Variants in MRPL47 observed in about 807,000 individuals in gnomAD.
MRPL47 encodes the protein mitochondrial ribosomal protein L47, also known as large ribosomal subunit protein uL29m.
MRPL47 carries 31 observed loss-of-function variants against 34.0 expected under a neutral mutation model. The observed-to-expected ratio is 0.91, with a 90% CI of 0.68 to 1.23. The LOEUF is 1.23. Among genes scored for constraint, MRPL47 ranks in the 50% most tolerant of loss-of-function variants. MRPL47 has a pLI of 0.00. For missense variants in MRPL47, 328 were observed against 285.8 expected (o/e 1.15, Z -1.07); for synonymous variants, 106 against 101.6 (o/e 1.04, Z -0.26).
chr3:179,596,453 C>T (rs7613848), intron 4 of MRPL47, among the ~76,000 whole-genome samples: 1 of 152,024 alleles, frequency 6.6e-6, no homozygotes, highest in East Asian at 1.9e-4. Flanking sequence ...CTGGAGTAAA[C>T]TTTTATTATT....
intron 4 of MRPL47, among the ~76,000 whole-genome samples, chr3:179,595,057 G>A (rs1576867234): frequency 6.6e-6 from 1 of 151,868 alleles, no homozygotes; most frequent in Non-Finnish European, 1.5e-5. Context: ...TTTTGTTTTT[G>A]TTTTTTGAGA....
At chr3:179,596,719 G>A (rs1193528625) in intron 4 of MRPL47, among the ~76,000 whole-genome samples, 2 of 152,194 alleles carry the variant, frequency 1.3e-5, no homozygotes, top group African/African-American at 4.8e-5. Flanking sequence ...TGGTGCAATC[G>A]TGGCTCACTG....
intron 3 of MRPL47, among the ~76,000 whole-genome samples, chr3:179,600,985 C>T (rs894761117): frequency 6.6e-6 from 1 of 152,204 alleles, no homozygotes; most frequent in South Asian, 2.1e-4. Context: ...ATCCTCTCAA[C>T]CCTAATTCAT....
intron 6 of MRPL47, among the ~76,000 whole-genome samples, chr3:179,590,645 T>C (rs1360473295): frequency 6.6e-6 from 1 of 151,944 alleles, no homozygotes. Flanking sequence ...TTTAAGATTT[T>C]GTCCTGTAGA....
Position 179,593,888 on chromosome 3 carries a change from T to C in MRPL47, c.410A>G (p.Asp137Gly). The C allele has an allele frequency of 2.5e-6, 4 of 1,610,688 alleles. No homozygotes were observed. Among genetic ancestry groups the C allele is most frequent in the African/African-American group, 1.3e-5 (1 of 74,894 alleles). ...PSPERLDKVV[D>G]SMDALDKVVQ... is the part of the protein sequence containing the mutation. Reference sequence around the variant, plus strand: ...AACTTTATCTAATGCATCCATGGAATCTACTACCTGAAAAGAGAATAGAAA... The same window carrying C: ...AACTTTATCTAATGCATCCATGGAACCTACTACCTGAAAAGAGAATAGAAA... Residue 137 changes from aspartate (D) to glycine (G), a missense_variant, in exon 5 of 7, where the codon GAT becomes GGT. Transcript: ENST00000476781.
intron 6 of MRPL47, among the ~76,000 whole-genome samples, chr3:179,590,028 C>T (rs1386081069): frequency 1.3e-5 from 2 of 152,122 alleles, no homozygotes; most frequent in East Asian, 1.9e-4. Context: ...TGGATTGATA[C>T]ATTCTCATAC....
At position 179,591,714 on chromosome 3, in the gene MRPL47, T is replaced by C. The variant is rs534216982; in HGVS notation, c.629+930A>G. Among the ~76,000 whole-genome samples the C allele has an allele frequency of 2.0e-5, 3 of 152,364 alleles. No homozygotes were observed. In the East Asian group the frequency reaches 5.8e-4, roughly 29 times the overall value. Reference sequence around the variant, plus strand: ...CTCACATTGTATGCAACTGAATTATTTGGACCTTCATTTTAACATAACAGT... The same window carrying C: ...CTCACATTGTATGCAACTGAATTATCTGGACCTTCATTTTAACATAACAGT... On this transcript the variant is annotated intron_variant, in intron 6 of 6. Transcript: ENST00000476781.
intron 5 of MRPL47, 34 bp from the exon 6 acceptor site, chr3:179,592,773 G>T: frequency 7.4e-7 from 1 of 1,358,160 alleles, no homozygotes; most frequent in Non-Finnish European, 1.0e-6. Context: ...TTGCCTTAAA[G>T]AAAACATTTA....
At chr3:179,589,900 T>TA (rs1718629912) in intron 6 of MRPL47, among the ~76,000 whole-genome samples, 1 of 152,200 alleles carries the variant, frequency 6.6e-6, no homozygotes, top group African/African-American at 2.4e-5. Flanking sequence ...TCTGAAAGAA[T>TA]AAAGGTTTGC....
upstream of MRPL47, chr3:179,604,639 G>C (rs768992625): frequency 4.3e-6 from 7 of 1,613,954 alleles, no homozygotes; most frequent in Non-Finnish European, 5.9e-6. Context: ...TCGCATAACT[G>C]GCAAAACGCG....
intron 2 of MRPL47, 64 bp downstream of exon 2, chr3:179,602,588 T>C (rs895713162): frequency 1.1e-5 from 8 of 709,250 alleles, no homozygotes; most frequent in Non-Finnish European, 1.7e-5. Flanking sequence ...AGAACGATGG[T>C]TGGGCGGGGC....
chr3:179,595,776 T>C (rs770274348), intron 4 of MRPL47, among the ~76,000 whole-genome samples: 4 of 152,224 alleles, frequency 2.6e-5, no homozygotes, highest in South Asian at 2.1e-4. Context: ...ATATACCTTA[T>C]TGAAAACAAG....
At chr3:179,604,433 C>T in intron 1 of MRPL47, 94 bp downstream of exon 1, 1 of 1,270,114 alleles carries the variant, frequency 7.9e-7, no homozygotes, top group Non-Finnish European at 1.1e-6. Context: ...GCGGCCGTTC[C>T]ATTCTTGAGT....
At chr3:179,594,083 T>C (rs552538901) in intron 4 of MRPL47, among the ~76,000 whole-genome samples, 188 bp from the exon 5 acceptor site, 7 of 152,360 alleles carry the variant, frequency 4.6e-5, no homozygotes, top group African/African-American at 1.7e-4. Context: ...ATTACCACTT[T>C]CTGTATTTTT....
chr3:179,598,861 T>C, intron 3 of MRPL47, 90 bp from the exon 4 acceptor site: 1 of 962,364 alleles, frequency 1.0e-6, no homozygotes, highest in African/African-American at 1.6e-5. Flanking sequence ...TTATCTGTAC[T>C]TGAAAGTCAC....
Position 179,601,271 on chromosome 3 carries a change from G to A in MRPL47, c.305+459C>T, listed in dbSNP as rs1041835744. ...AAACGCAAAAAAATTAGCTGGGTGT[G>A]GTGGTGCATACCTGTGGTCCCAGAT... On this transcript the variant is annotated intron_variant, in intron 3 of 6. Coordinates refer to ENST00000476781, the MANE Select transcript of MRPL47 (RefSeq NM_020409.3). 2.0e-5 allele frequency among the ~76,000 whole-genome samples: 3 copies of A among 152,178 alleles called. No individual in the cohort carries two copies. In the East Asian group the frequency reaches 5.8e-4, roughly 29 times the overall value.
chr3:179,599,346 G>C (rs901405192), intron 3 of MRPL47, among the ~76,000 whole-genome samples: 3 of 152,200 alleles, frequency 2.0e-5, no homozygotes, highest in African/African-American at 7.2e-5. Context: ...TACATTCTGA[G>C]TGGAGAGTAG....
chr3:179,598,067 A>C (rs1313397533), intron 4 of MRPL47, among the ~76,000 whole-genome samples: 1 of 152,212 alleles, frequency 6.6e-6, no homozygotes, highest in East Asian at 1.9e-4. Flanking sequence ...GATTTATCAT[A>C]TAAGCCAGCA....
chr3:179,590,407 G>A (rs898454659), intron 6 of MRPL47, among the ~76,000 whole-genome samples: 2 of 152,020 alleles, frequency 1.3e-5, no homozygotes, highest in African/African-American at 4.8e-5. Flanking sequence ...GGATCAAACA[G>A]CACAACCCTG....
Sources: allele counts gnomAD v4.1 joint callset (sites outside exome capture counted in the v4.1 genomes callset), GRCh38; gene constraint gnomAD v4.1.1; transcripts MANE v1.5; gene names NCBI Gene and HGNC (gene_info 2026-07-23, HGNC 2026-07-21).